Variants in TLK1 observed in about 807,000 individuals in gnomAD.
TLK1 encodes serine/threonine-protein kinase tousled-like 1.
In TLK1, 24 loss-of-function variants were observed where a neutral mutation model predicts 105.3. That is an observed-to-expected ratio of 0.23 (90% CI 0.17 to 0.32). The LOEUF (loss-of-function observed/expected upper bound fraction) is 0.32. TLK1 is among the 10% of genes least tolerant of loss of function. TLK1 has a pLI of 1.00. For missense variants in TLK1, 558 were observed against 910.5 expected (o/e 0.61, Z 4.98); for synonymous variants, 321 against 310.4 (o/e 1.03, Z -0.36).
chr2:171,121,774 A>C (rs1332530499), intron 1 of TLK1, among the ~76,000 whole-genome samples: 1 of 152,210 alleles, frequency 6.6e-6, no homozygotes, highest in Non-Finnish European at 1.5e-5. Context: ...AGATCAGTAA[A>C]TAATAATATA....
At chr2:171,148,890 A>AAAAAAAATAT (rs1445171800) in intron 1 of TLK1, among the ~76,000 whole-genome samples, 14 of 138,470 alleles carry the variant, frequency 1.0e-4, no homozygotes, top group African/African-American at 3.5e-4. Flanking sequence ...AAAAAAAAAA[A>AAAAAAAATAT]ATATATATAT....
At position 171,160,207 on chromosome 2, in the gene TLK1, G is replaced by A. The variant is rs3821085; in HGVS notation, c.139+83C>T. On this transcript the variant is annotated intron_variant, in intron 1 of 20. Transcript: ENST00000431350. This position sits in a 1 kb window ranked among gnomAD's most constrained non-coding sequence, Gnocchi z 4.4. ...CAGGGTCTGGCGGAGAAGCCCCGGG[G>A]CGGGGGGGGCGGGGGGGGGGCGCGG... The A allele has an allele frequency of 1.4e-5, 17 of 1,255,016 alleles. No individual in the cohort carries two copies. In the Admixed American group the frequency reaches 2.2e-4, roughly 16 times the overall value. 77.7% of individuals were successfully genotyped at this position (1,255,016 alleles called of 1,614,324 possible). A position where few individuals can be genotyped will look rare whatever the true frequency, so the allele number is the denominator to read the frequency against.
At chr2:171,118,862 T>C (rs925902865) in intron 1 of TLK1, among the ~76,000 whole-genome samples, 2 of 152,160 alleles carry the variant, frequency 1.3e-5, no homozygotes, top group African/African-American at 4.8e-5. Flanking sequence ...TCTTTTGAAA[T>C]TCCCTTTCTT....
intron 1 of TLK1, among the ~76,000 whole-genome samples, chr2:171,179,410 A>G (rs1433346426): frequency 2.0e-5 from 3 of 152,214 alleles, no homozygotes; most frequent in Non-Finnish European, 4.4e-5. Flanking sequence ...AAAGTTAGAG[A>G]AGGTGTGGAT....
At chr2:171,149,774 C>CA in intron 1 of TLK1, among the ~76,000 whole-genome samples, 1 of 152,092 alleles carries the variant, frequency 6.6e-6, no homozygotes, top group South Asian at 2.1e-4. Flanking sequence ...GATATGGTGG[C>CA]GTGCACCTGT....
chr2:171,113,441 T>C (rs577006319), intron 2 of TLK1, among the ~76,000 whole-genome samples: 1 of 152,168 alleles, frequency 6.6e-6, no homozygotes, highest in African/African-American at 2.4e-5. Flanking sequence ...CAGCTAATTT[T>C]TTGTATTTTT....
At chr2:171,180,655 A>G (rs554443340) in intron 1 of TLK1, among the ~76,000 whole-genome samples, 1 of 152,288 alleles carries the variant, frequency 6.6e-6, no homozygotes, top group South Asian at 2.1e-4. Flanking sequence ...CTTTGTGCTG[A>G]TGTTACAAAG....
At chr2:171,101,838 A>G (rs1468109545) in intron 2 of TLK1, among the ~76,000 whole-genome samples, 10 of 152,230 alleles carry the variant, frequency 6.6e-5, no homozygotes. Flanking sequence ...TTTAAAAAAT[A>G]TAAAAGCAAC....
chr2:171,054,879 G>A (rs555149552), intron 7 of TLK1: 1 of 353,636 alleles, frequency 2.8e-6, no homozygotes, highest in Non-Finnish European at 5.2e-6. Flanking sequence ...GTTAACGGTT[G>A]TTTAAAAAGC....
At chr2:171,148,744 G>T (rs1438222149) in intron 1 of TLK1, among the ~76,000 whole-genome samples, 6 of 151,692 alleles carry the variant, frequency 4.0e-5, no homozygotes, top group Admixed American at 3.9e-4. Context: ...TTAGCTGGGC[G>T]TGGTGATGCA....
chr2:171,032,067 C>G (rs1686071901), intron 11 of TLK1, among the ~76,000 whole-genome samples: 1 of 150,724 alleles, frequency 6.6e-6, no homozygotes, highest in African/African-American at 2.4e-5. Context: ...GCCTGGGCAA[C>G]AGAGCAAGAA....
intron 1 of TLK1, among the ~76,000 whole-genome samples, chr2:171,139,924 T>G (rs2105574787): frequency 6.6e-6 from 1 of 152,272 alleles, no homozygotes; most frequent in East Asian, 1.9e-4. Context: ...CCTAGATCCC[T>G]CGCATGTGCA....
chr2:171,074,741 A>G (rs1292467850), intron 3 of TLK1, among the ~76,000 whole-genome samples: 1 of 152,150 alleles, frequency 6.6e-6, no homozygotes, highest in Non-Finnish European at 1.5e-5. Flanking sequence ...TAAATAAAAG[A>G]CAGAGGAGGT....
At chr2:171,217,762 C>A (rs1193120548) in intron 1 of TLK1, among the ~76,000 whole-genome samples, 2 of 152,040 alleles carry the variant, frequency 1.3e-5, no homozygotes, top group Non-Finnish European at 2.9e-5. Context: ...AAAGAGAGAA[C>A]AAAGAAGAGT....
intron 1 of TLK1, among the ~76,000 whole-genome samples, chr2:171,205,848 G>A (rs1019855628): frequency 6.6e-6 from 1 of 152,198 alleles, no homozygotes; most frequent in Admixed American, 6.6e-5. Context: ...TGTAAGTTTG[G>A]GATTGAAATG....
intron 11 of TLK1, 41 bp downstream of exon 11, chr2:171,046,133 G>T (rs1194270937): frequency 1.4e-6 from 2 of 1,455,670 alleles, no homozygotes; most frequent in African/African-American, 1.4e-5. Flanking sequence ...ACGCTCACTG[G>T]CAACAATTTT....
chr2:171,110,143 C>T (rs1575602179), intron 2 of TLK1, among the ~76,000 whole-genome samples: 1 of 152,168 alleles, frequency 6.6e-6, no homozygotes, highest in East Asian at 1.9e-4. Context: ...TATCAAAACA[C>T]TGGAAACAAC....
At chr2:171,195,979 A>T (rs1359011220) in intron 1 of TLK1, among the ~76,000 whole-genome samples, 1 of 139,948 alleles carries the variant, frequency 7.1e-6, no homozygotes, top group Non-Finnish European at 1.5e-5. Flanking sequence ...TGGAGGCTGC[A>T]GTGGGCTGAG....
rs1687161916 is a variant in TLK1, at chr2:171,050,054, T to C, written c.843+10A>G. 1 of 1,604,916 alleles carries C rather than the reference T, an allele frequency of 6.2e-7. No homozygotes were observed. The highest frequency in any genetic ancestry group is 1.3e-5 in the African/African-American group (1 of 74,664). ...AGGGAAAGCGAAAATTTACTCAACT[T>C]TTAGCCTACCTTTTCAATAAGAAGT... On this transcript the variant is annotated intron_variant, in intron 9 of 20. Coordinates refer to ENST00000431350, the MANE Select transcript of TLK1 (RefSeq NM_012290.5).
Sources: allele counts gnomAD v4.1 joint callset (sites outside exome capture counted in the v4.1 genomes callset), GRCh38; gene constraint gnomAD v4.1.1; non-coding constraint Gnocchi (gnomAD v3.1); transcripts MANE v1.5; gene names NCBI Gene and HGNC (gene_info 2026-07-23, HGNC 2026-07-21).